The following GRK3 variants were observed in gnomAD, a reference collection of about 807,000 sequenced individuals.
The protein encoded by GRK3 is G protein-coupled receptor kinase 3, also known as adrenergic, beta, receptor kinase 2.
Under a neutral mutation model 95.7 loss-of-function variants are expected in GRK3, and 54 were observed. The ratio of observed to expected loss-of-function variants is 0.56; its 90% CI spans 0.45 to 0.71. The LOEUF is 0.71. Among genes scored for constraint, GRK3 ranks in the 30% least tolerant of loss-of-function variants. GRK3 has a pLI of 0.00. For missense variants in GRK3, 649 were observed against 851.2 expected (o/e 0.76, Z 2.96); for synonymous variants, 281 against 290.8 (o/e 0.97, Z 0.34).
chr22:25,695,231 C>G lies in GRK3; in HGVS notation c.1160+17C>G. On this transcript the variant is annotated intron_variant, in intron 13 of 20. Transcript: ENST00000324198. ...TCTGAGAGGGTGAGTTGAAATGCAT[C>G]CTTCTAGTGCTGTCCTCATGGCAGC... 1 of 1,565,854 alleles carries G rather than the reference C, an allele frequency of 6.4e-7. No homozygotes were observed. The highest frequency in any genetic ancestry group is 2.2e-5 in the East Asian group (1 of 44,630).
intron 2 of GRK3, among the ~76,000 whole-genome samples, chr22:25,631,531 TTTTC>T (rs1286051829): frequency 1.3e-5 from 2 of 152,150 alleles, no homozygotes; most frequent in Non-Finnish European, 2.9e-5. Context: ...CCAATTTTAT[TTTTC>T]TTTCTTCTTT....
intron 10 of GRK3, among the ~76,000 whole-genome samples, chr22:25,685,454 T>C (rs1569194464): frequency 6.6e-6 from 1 of 152,184 alleles, no homozygotes; most frequent in Non-Finnish European, 1.5e-5. Flanking sequence ...GGCCTCCCAG[T>C]CTCTTCCCAA....
chr22:25,657,491 G>T (rs2084880429), intron 3 of GRK3, among the ~76,000 whole-genome samples: 1 of 152,098 alleles, frequency 6.6e-6, no homozygotes, highest in Non-Finnish European at 1.5e-5. Flanking sequence ...AGACACTTCA[G>T]TCTTATGCTT....
At chr22:25,650,191 G>A (rs1015487923) in intron 3 of GRK3, among the ~76,000 whole-genome samples, 2 of 151,434 alleles carry the variant, frequency 1.3e-5, no homozygotes, top group African/African-American at 2.4e-5. Flanking sequence ...AGTAGCACCC[G>A]CCACCACACC....
intron 5 of GRK3, among the ~76,000 whole-genome samples, chr22:25,666,630 C>T (rs1285147360): frequency 6.6e-6 from 1 of 152,062 alleles, no homozygotes; most frequent in Non-Finnish European, 1.5e-5. Context: ...TTTCTGCTTG[C>T]AGGAAGCAAG....
At chr22:25,695,887 T>C (rs2085204405) in intron 13 of GRK3, among the ~76,000 whole-genome samples, 2 of 147,964 alleles carry the variant, frequency 1.4e-5, no homozygotes, top group Admixed American at 6.9e-5. Flanking sequence ...CAGGCTGGAG[T>C]GCAGTGGCAC....
At chr22:25,680,374 G>A (rs1325315802) in intron 9 of GRK3, among the ~76,000 whole-genome samples, 1 of 152,212 alleles carries the variant, frequency 6.6e-6, no homozygotes, top group Non-Finnish European at 1.5e-5. Flanking sequence ...TATTGGAAAT[G>A]TCTGTATCCT....
At chr22:25,681,152 C>T (rs890789943) in intron 9 of GRK3, among the ~76,000 whole-genome samples, 2 of 152,118 alleles carry the variant, frequency 1.3e-5, no homozygotes, top group Non-Finnish European at 1.5e-5. Flanking sequence ...TCCTCAGAAG[C>T]GTGACTCATT....
intron 4 of GRK3, 48 bp downstream of exon 4, chr22:25,661,725 A>G (rs1266396923): frequency 1.7e-6 from 2 of 1,204,560 alleles, no homozygotes; most frequent in Middle Eastern, 2.2e-4. Flanking sequence ...TGAATAAGGG[A>G]CCATGTTCAG....
At chr22:25,672,995 ACAAT>A (rs1422426030) in intron 7 of GRK3, among the ~76,000 whole-genome samples, 91 of 150,098 alleles carry the variant, frequency 6.1e-4, no homozygotes, top group African/African-American at 2.1e-3. Context: ...ATTGGGCAAA[ACAAT>A]CAACCGGAAT....
chr22:25,667,829 A>G, intron 6 of GRK3, 29 bp downstream of exon 6: 2 of 1,351,414 alleles, frequency 1.5e-6, no homozygotes, highest in Non-Finnish European at 2.1e-6. Context: ...ATATATACAC[A>G]ATTTTTTATC....
At position 25,665,208 on chromosome 22, in the gene GRK3, T is replaced by C. The variant is rs559421849; in HGVS notation, c.441+1504T>C. On this transcript the variant is annotated intron_variant, in intron 5 of 20. Coordinates refer to ENST00000324198, the MANE Select transcript of GRK3 (RefSeq NM_005160.4). ...GTACGAGGCCCGCCTATCACTGTGCTCCACAAATGTTAGCTATTATCACAC... is the reference window on the plus strand; with the variant it reads ...GTACGAGGCCCGCCTATCACTGTGCCCCACAAATGTTAGCTATTATCACAC... Among the ~76,000 whole-genome samples, 5 of 152,356 alleles carry C rather than the reference T, an allele frequency of 3.3e-5. No individual in the cohort carries two copies. In the East Asian group the frequency reaches 9.6e-4, roughly 29 times the overall value.
chr22:25,710,032 A>C (rs2085331842), intron 16 of GRK3, 68 bp downstream of exon 16: 4 of 1,207,434 alleles, frequency 3.3e-6, no homozygotes, highest in Admixed American at 1.7e-5. Context: ...TCTCTGTCTC[A>C]GTTTCTGTCT....
At chr22:25,689,300 AT>A (rs946029301) in intron 11 of GRK3, among the ~76,000 whole-genome samples, 50 of 152,332 alleles carry the variant, frequency 3.3e-4, no homozygotes, top group African/African-American at 1.1e-3. Context: ...CGCTATTGTA[AT>A]ACATTCTAAT....
chr22:25,646,382 A>G (rs918784626), intron 3 of GRK3, among the ~76,000 whole-genome samples: 2 of 152,252 alleles, frequency 1.3e-5, no homozygotes, highest in Non-Finnish European at 2.9e-5. Context: ...CTAATGGTTC[A>G]GTTCAATAGC....
At chr22:25,653,592 G>T (rs1018769139) in intron 3 of GRK3, among the ~76,000 whole-genome samples, 1 of 152,158 alleles carries the variant, frequency 6.6e-6, no homozygotes, top group Non-Finnish European at 1.5e-5. Context: ...TTATAGAACA[G>T]ACAGACAAAA....
chr22:25,604,511 C>A, intron 2 of GRK3, 58 bp downstream of exon 2: 2 of 1,238,972 alleles, frequency 1.6e-6, no homozygotes, highest in Non-Finnish European at 2.3e-6. Flanking sequence ...TTGGGCGATA[C>A]TATAGTAATA....
chr22:25,597,432 G>A (rs1177416741), intron 1 of GRK3, among the ~76,000 whole-genome samples: 1 of 152,158 alleles, frequency 6.6e-6, no homozygotes, highest in African/African-American at 2.4e-5. Context: ...CAAATAGCTG[G>A]AAGGAGAACA....
At chr22:25,619,019 A>G (rs2084560697) in intron 2 of GRK3, among the ~76,000 whole-genome samples, 3 of 152,188 alleles carry the variant, frequency 2.0e-5, no homozygotes, top group South Asian at 2.1e-4. Context: ...TCTGGTCCTT[A>G]TTATTGTATT....
Sources: gnomAD v4.1 joint callset for allele counts (sites outside exome capture counted in the v4.1 genomes callset) on GRCh38, gnomAD v4.1.1 for gene constraint, MANE v1.5 for transcripts, NCBI Gene and HGNC (gene_info 2026-07-23, HGNC 2026-07-21) for gene names.